The following NRXN1 variants were observed in gnomAD, a reference collection of about 807,000 sequenced individuals.
NRXN1 encodes the protein neurexin 1.
A neutral mutation model predicts 150.9 loss-of-function variants in NRXN1; 39 were observed. The ratio of observed to expected loss-of-function variants is 0.26; its 90% confidence interval spans 0.20 to 0.34. The LOEUF is 0.34. Among genes scored for constraint, NRXN1 ranks in the 10% least tolerant of loss-of-function variants. The pLI is 1.00. For missense variants in NRXN1, 1,815 were observed against 1,949.9 expected, an observed-to-expected ratio of 0.93 and a Z score of 1.30; for synonymous variants, 924 against 757.0, an observed-to-expected ratio of 1.22 and a Z score of -3.62.
chr2:51,029,013 A>G lies in NRXN1; in HGVS notation c.-740T>C, dbSNP rs1418727990. 1 of 152,248 alleles carries G rather than the reference A, an allele frequency of 6.6e-6. No individual in the cohort carries two copies. The highest frequency in any genetic ancestry group is 1.5e-5 in the Non-Finnish European group (1 of 68,060). 9.4% of individuals were successfully genotyped at this position (152,248 alleles called of 1,614,324 possible). The stretch of plus-strand genomic sequence containing the variant: ...TTTACTTCTCTTTTCAGCCACGGCA[A>G]CAGTAGGACTCAAACCCAGCAGTTG... On this transcript the variant is annotated 5_prime_UTR_variant, in exon 2 of 23. Transcript: ENST00000401669.
At chr2:49,937,789 CTT>C (rs1238303650) in intron 22 of NRXN1, among the ~76,000 whole-genome samples, 1 of 152,114 alleles carries the variant, frequency 6.6e-6, no homozygotes, top group African/African-American at 2.4e-5. Flanking sequence ...ATTAAAGTCA[CTT>C]TTGAATAATT....
intron 5 of NRXN1, among the ~76,000 whole-genome samples, chr2:50,660,038 G>T (rs1335575990): frequency 6.6e-6 from 1 of 151,868 alleles, no homozygotes; most frequent in African/African-American, 2.4e-5. Context: ...AACAGTGCTT[G>T]GTGTTCAGGG....
intron 17 of NRXN1, among the ~76,000 whole-genome samples, chr2:50,312,018 G>A (rs959328218): frequency 1.3e-5 from 2 of 152,098 alleles, no homozygotes; most frequent in African/African-American, 2.4e-5. Context: ...GTCCCTCCTG[G>A]CTTTGAGTAA....
chr2:50,966,083 A>G (rs1694021152), intron 2 of NRXN1, among the ~76,000 whole-genome samples: 1 of 151,716 alleles, frequency 6.6e-6, no homozygotes, highest in African/African-American at 2.4e-5. Context: ...TAAAAAATAA[A>G]GCTCACCTAT....
chr2:50,791,671 G>C (rs1419662495), intron 5 of NRXN1, among the ~76,000 whole-genome samples: 1 of 152,132 alleles, frequency 6.6e-6, no homozygotes, highest in African/African-American at 2.4e-5. Flanking sequence ...AAATTCCTCT[G>C]CAGCGTATTC....
intron 5 of NRXN1, among the ~76,000 whole-genome samples, chr2:50,703,490 A>T (rs1694036743): frequency 6.6e-6 from 1 of 152,130 alleles, no homozygotes; most frequent in South Asian, 2.1e-4. Flanking sequence ...TGTCAACATC[A>T]TCTTCTACAA....
intron 2 of NRXN1, among the ~76,000 whole-genome samples, chr2:50,952,355 T>C (rs1227452776): frequency 6.6e-6 from 1 of 152,172 alleles, no homozygotes; most frequent in East Asian, 1.9e-4. Flanking sequence ...ATAAACTTAA[T>C]AAACATTATT....
At chr2:50,745,825 G>A (rs906128609) in intron 5 of NRXN1, among the ~76,000 whole-genome samples, 6 of 152,120 alleles carry the variant, frequency 3.9e-5, no homozygotes, top group Non-Finnish European at 8.8e-5. Context: ...CTACCCCCAT[G>A]ATTCAATTAC....
chr2:50,421,315 T>A lies in NRXN1; in HGVS notation c.3364+44127A>T, dbSNP rs766986758. ...TGCATCGGTAAGGATATAATTTACA[T>A]CTATTCTCCCTTCCCCCTTCACTTT... On this transcript the variant is annotated intron_variant, in intron 17 of 22. Transcript: ENST00000401669. Among the ~76,000 whole-genome samples the A allele has an allele frequency of 9.9e-5, 15 of 152,108 alleles. 1 individual carries two copies. Among genetic ancestry groups the A allele is most frequent in the Non-Finnish European group, 2.1e-4 (14 of 67,998 alleles).
chr2:50,252,457 C>A (rs1234791308), intron 17 of NRXN1, among the ~76,000 whole-genome samples: 1 of 151,756 alleles, frequency 6.6e-6, no homozygotes, highest in Admixed American at 6.6e-5. Flanking sequence ...CAGGGTTTTG[C>A]CATGTTAGCC....
chr2:50,789,076 A>G (rs1318251131), intron 5 of NRXN1, among the ~76,000 whole-genome samples: 2 of 152,216 alleles, frequency 1.3e-5, no homozygotes, highest in Non-Finnish European at 2.9e-5. Context: ...ACCAAAACAA[A>G]GGCATATTAA....
intron 22 of NRXN1, among the ~76,000 whole-genome samples, chr2:49,933,446 C>G (rs1418739699): frequency 6.6e-6 from 1 of 152,112 alleles, no homozygotes; most frequent in African/African-American, 2.4e-5. Context: ...TTCCTCTTCA[C>G]CTGCTGCCAA....
chr2:50,538,998 T>C (rs1342145889), intron 9 of NRXN1, among the ~76,000 whole-genome samples: 3 of 152,206 alleles, frequency 2.0e-5, no homozygotes, highest in Non-Finnish European at 4.4e-5. Flanking sequence ...TCCCCTGGGT[T>C]AGTGCTTGTT....
chr2:50,790,192 G>A (rs9678083), intron 5 of NRXN1, among the ~76,000 whole-genome samples: 4,922 of 151,716 alleles, frequency 0.032, 250 homozygotes, highest in African/African-American at 0.11. Context: ...CATGGCTTCC[G>A]AATTATGAAA....
At chr2:49,960,160 G>A (rs967562837) in intron 21 of NRXN1, among the ~76,000 whole-genome samples, 1 of 152,128 alleles carries the variant, frequency 6.6e-6, no homozygotes, top group African/African-American at 2.4e-5. Flanking sequence ...GCAATGGTTT[G>A]CAAGAATGTG....
chr2:50,683,324 G>T (rs1208931200), intron 5 of NRXN1, among the ~76,000 whole-genome samples: 1 of 151,590 alleles, frequency 6.6e-6, no homozygotes, highest in Non-Finnish European at 1.5e-5. Context: ...TCTTAATAAG[G>T]GAGAAGGATT....
intron 8 of NRXN1, 58 bp from the exon 9 acceptor site, chr2:50,553,083 G>T: frequency 8.3e-7 from 1 of 1,207,954 alleles, no homozygotes; most frequent in Non-Finnish European, 1.2e-6. Flanking sequence ...TCTGAAACTT[G>T]TGAACAGCTC....
intron 5 of NRXN1, among the ~76,000 whole-genome samples, chr2:50,741,323 C>A (rs1034312939): frequency 6.6e-6 from 1 of 151,964 alleles, no homozygotes; most frequent in Admixed American, 6.6e-5. Flanking sequence ...GAAAAAGGAC[C>A]CAATGTCTAA....
At chr2:50,505,433 C>T (rs2092170960) in intron 13 of NRXN1, among the ~76,000 whole-genome samples, 1 of 152,122 alleles carries the variant, frequency 6.6e-6, no homozygotes, top group Admixed American at 6.6e-5. Context: ...ATGATCTTGC[C>T]GTTGGCAGCT....
Sources: gnomAD v4.1 joint callset for allele counts (sites outside exome capture counted in the v4.1 genomes callset) on GRCh38, gnomAD v4.1.1 for gene constraint, MANE v1.5 for transcripts, NCBI Gene and HGNC (gene_info 2026-07-23, HGNC 2026-07-21) for gene names.